The following SCOC variants were observed in gnomAD, a reference collection of about 807,000 sequenced individuals.
The protein encoded by SCOC is short coiled coil protein.
Under a neutral mutation model 9.9 loss-of-function variants are expected in SCOC, and 7 were observed. The observed-to-expected ratio is 0.71, with a 90% CI of 0.40 to 1.33. The LOEUF (loss-of-function observed/expected upper bound fraction) is 1.33, where lower values mean the gene tolerates loss of function less well. Among genes scored for constraint, SCOC ranks in the 40% most tolerant of loss-of-function variants. SCOC has a pLI of 0.01. For missense variants in SCOC, 66 were observed against 89.7 expected, an observed-to-expected ratio of 0.74 and a Z score of 1.07; for synonymous variants, 19 against 28.2, an observed-to-expected ratio of 0.67 and a Z score of 1.03.
At chr4:140,347,166 T>C (rs1028975822) in intron 2 of SCOC, among the ~76,000 whole-genome samples, 1 of 152,186 alleles carries the variant, frequency 6.6e-6, no homozygotes, top group African/African-American at 2.4e-5. Flanking sequence ...TACAGTAATT[T>C]TTTTTAATGG....
chr4:140,291,821 T>G (rs1731481786), intron 1 of SCOC, among the ~76,000 whole-genome samples: 1 of 152,218 alleles, frequency 6.6e-6, no homozygotes, highest in Non-Finnish European at 1.5e-5. Context: ...AGCTCAGACC[T>G]TGTGTCTGAT....
At chr4:140,299,953 C>T (rs1731765131) in intron 1 of SCOC, among the ~76,000 whole-genome samples, 1 of 152,182 alleles carries the variant, frequency 6.6e-6, no homozygotes, top group Non-Finnish European at 1.5e-5. Flanking sequence ...ACACTAAGCC[C>T]ACTAATGGGG....
intron 2 of SCOC, among the ~76,000 whole-genome samples, chr4:140,362,062 C>T (rs114585209): frequency 3.5e-3 from 457 of 131,150 alleles, no homozygotes; most frequent in African/African-American, 0.012. Flanking sequence ...ATTCTGAGCA[C>T]GACACAGACA....
In SCOC at chr4:140,281,453, A is replaced by G. The variant is rs76307899; in HGVS notation, c.-19+24043A>G. Among the ~76,000 whole-genome samples the G allele has an allele frequency of 5.2e-3, 798 of 152,350 alleles. 3 individuals carry two copies. The highest frequency in any genetic ancestry group is 6.9e-3 in the Non-Finnish European group (472 of 68,036). On this transcript the variant is annotated intron_variant, in intron 1 of 4. Coordinates refer to the SCOC transcript ENST00000394205. ...GTTAGATGAAATAAGCTCCAAAGCC[A>G]TCCCAAGGCTCCACATATGGGAAAC...
chr4:140,373,134 G>T, upstream of SCOC: 1 of 398,668 alleles, frequency 2.5e-6, no homozygotes, highest in Non-Finnish European at 3.6e-6. Flanking sequence ...TCCGATTTCG[G>T]AAATAAGAAA....
At chr4:140,286,548 G>T (rs1731274608) in intron 1 of SCOC, among the ~76,000 whole-genome samples, 1 of 152,216 alleles carries the variant, frequency 6.6e-6, no homozygotes, top group Non-Finnish European at 1.5e-5. Flanking sequence ...CGGAATTAGA[G>T]ACTGCTTTTC....
chr4:140,352,191 G>T (rs899678048), intron 2 of SCOC, among the ~76,000 whole-genome samples: 1 of 152,192 alleles, frequency 6.6e-6, no homozygotes, highest in Non-Finnish European at 1.5e-5. Context: ...TAATTTAAAA[G>T]ATTATTCCCA....
chr4:140,356,665 GTTC>G lies in SCOC; in HGVS notation c.70+12962_70+12964del, dbSNP rs1578851529. On this transcript the variant is annotated intron_variant, in intron 2 of 4. Transcript: ENST00000338517. ...CAAGAATATAGCAGAATGATACTGT[GTTC>G]TTCTCATTGCATACTGTCAGGTGGT... is the stretch of plus-strand genomic sequence containing the variant. Among the ~76,000 whole-genome samples the G allele has an allele frequency of 2.0e-5, 3 of 152,254 alleles. No homozygotes were observed. In the East Asian group the frequency reaches 5.8e-4, roughly 29 times the overall value.
At chr4:140,365,240 C>T (rs1279058825) in intron 2 of SCOC, among the ~76,000 whole-genome samples, 1 of 148,492 alleles carries the variant, frequency 6.7e-6, no homozygotes, top group Non-Finnish European at 1.5e-5. Context: ...TAAGAGCTAA[C>T]AGATACCACA....
chr4:140,343,149 C>T (rs1161944451), upstream of SCOC, among the ~76,000 whole-genome samples: 3 of 152,172 alleles, frequency 2.0e-5, no homozygotes, highest in Non-Finnish European at 4.4e-5. Flanking sequence ...GACTTATCCT[C>T]ATATTACAGA....
At chr4:140,299,076 C>T (rs550705122) in intron 1 of SCOC, among the ~76,000 whole-genome samples, 2 of 152,288 alleles carry the variant, frequency 1.3e-5, no homozygotes, top group South Asian at 4.1e-4. Context: ...CCTCAGCCTC[C>T]CAAAGCTCTG....
intron 2 of SCOC, 140 bp from the exon 3 acceptor site, chr4:140,379,429 G>T: frequency 2.8e-6 from 2 of 712,076 alleles, no homozygotes; most frequent in Non-Finnish European, 2.4e-6. Context: ...TGCAATTTGG[G>T]GATACAAAAT....
intron 2 of SCOC, among the ~76,000 whole-genome samples, chr4:140,352,270 AAGTATGTTAATTGCACC>A (rs1288383651): frequency 6.6e-6 from 1 of 152,244 alleles, no homozygotes; most frequent in Non-Finnish European, 1.5e-5. Flanking sequence ...GAAATCAAAC[AAGTATGTTAATTGCACC>A]AGCAATGGCA....
rs558549398 is a variant in SCOC, at chr4:140,295,079, C to G, written c.-19+37669C>G. Among the ~76,000 whole-genome samples, 11 of 152,302 alleles carry G rather than the reference C, an allele frequency of 7.2e-5. No homozygotes were observed. In the South Asian group the frequency reaches 2.3e-3, roughly 32 times the overall value. ...GCATATCTTCTGTCAAGTAACCATG[C>G]AATTAATTTCAAAGTAAAAAATAAT... On this transcript the variant is annotated intron_variant, in intron 1 of 4. Transcript: ENST00000394205.
At chr4:140,374,107 G>T (rs575143078) in intron 1 of SCOC, 3 of 470,512 alleles carry the variant, frequency 6.4e-6, no homozygotes, top group Non-Finnish European at 4.2e-6. Context: ...GGACCTTCCC[G>T]TGGCTGCTCT....
intron 3 of SCOC, among the ~76,000 whole-genome samples, chr4:140,380,481 A>G (rs1728531054): frequency 6.6e-6 from 1 of 152,062 alleles, no homozygotes; most frequent in Non-Finnish European, 1.5e-5. Context: ...TACAGGTGCG[A>G]GCCACCGTGC....
At chr4:140,317,665 T>C (rs1405224859) in intron 1 of SCOC, among the ~76,000 whole-genome samples, 1 of 144,812 alleles carries the variant, frequency 6.9e-6, no homozygotes, top group Non-Finnish European at 1.5e-5. Context: ...ATTTTTATTT[T>C]ATTTTATTTA....
chr4:140,270,484 C>G (rs188340962), intron 1 of SCOC, among the ~76,000 whole-genome samples: 18 of 152,216 alleles, frequency 1.2e-4, no homozygotes, highest in African/African-American at 3.9e-4. Flanking sequence ...CAGGCACGTG[C>G]CACCATGCCT....
At chr4:140,371,698 T>G (rs1728064522), upstream of SCOC, among the ~76,000 whole-genome samples, 1 of 152,254 alleles carries the variant, frequency 6.6e-6, no homozygotes, top group Admixed American at 6.5e-5. Context: ...TACCACTTTT[T>G]TAAAAGTTGC....
Sources: gnomAD v4.1 joint callset for allele counts (sites outside exome capture counted in the v4.1 genomes callset) on GRCh38, gnomAD v4.1.1 for gene constraint, MANE v1.5 for transcripts, NCBI Gene and HGNC (gene_info 2026-07-23, HGNC 2026-07-21) for gene names.